SNTG2: variants seen among roughly 807,000 people sequenced by gnomAD.
The protein encoded by SNTG2 is gamma-2-syntrophin.
SNTG2 carries 74 observed loss-of-function variants against 70.9 expected under a neutral mutation model. The ratio of observed to expected loss-of-function variants is 1.04; its 90% CI spans 0.86 to 1.27. SNTG2 has a LOEUF of 1.27. SNTG2 is among the 50% of genes most tolerant of loss of function. The pLI, the probability that SNTG2 is intolerant of heterozygous loss-of-function variation, is 0.00. For missense variants in SNTG2, 717 were observed against 690.7 expected (o/e 1.04, Z -0.43); for synonymous variants, 278 against 273.8 (o/e 1.02, Z -0.15).
chr2:1,134,548 T>C (rs4971474), intron 4 of SNTG2, among the ~76,000 whole-genome samples: 19,111 of 151,046 alleles, frequency 0.13, 1,707 homozygotes, highest in East Asian at 0.43. Context: ...TGCTGATTGG[T>C]GTGTTTACAA....
intron 9 of SNTG2, among the ~76,000 whole-genome samples, chr2:1,234,911 G>A (rs1327903735): frequency 6.6e-6 from 1 of 152,226 alleles, no homozygotes. Context: ...TACTGACCCT[G>A]CTGAGAGCAC....
chr2:1,361,209 G>C (rs1241174439), intron 16 of SNTG2, among the ~76,000 whole-genome samples: 2 of 152,214 alleles, frequency 1.3e-5, no homozygotes, highest in African/African-American at 4.8e-5. Context: ...TCTTTTATTT[G>C]TTACAGCCTG....
intron 14 of SNTG2, among the ~76,000 whole-genome samples, chr2:1,278,529 A>G (rs533030386): frequency 5.9e-5 from 9 of 152,278 alleles, no homozygotes; most frequent in Non-Finnish European, 1.2e-4. Flanking sequence ...AAGTTCTTTT[A>G]TTTAAAAAAA....
At chr2:1,302,945 A>G (rs185066830) in intron 14 of SNTG2, among the ~76,000 whole-genome samples, 231 of 152,318 alleles carry the variant, frequency 1.5e-3, no homozygotes, top group African/African-American at 5.1e-3. Flanking sequence ...AGACCCAGCC[A>G]TCCTAAGTGA....
At chr2:1,183,069 A>G (rs1007308153) in intron 8 of SNTG2, among the ~76,000 whole-genome samples, 14 of 152,246 alleles carry the variant, frequency 9.2e-5, no homozygotes, top group African/African-American at 3.4e-4. Flanking sequence ...CTCTATTTTG[A>G]CCTCTATAAC....
At position 1,209,179 on chromosome 2, in the gene SNTG2, C is replaced by T. The variant is rs200228590; in HGVS notation, c.668C>T (p.Pro223Leu). Residue 223 changes from proline to leucine, a missense_variant, in exon 9 of 17, where the codon CCT becomes CTT. Physicochemically the swap from Pro to Leu is moderately conservative, Grantham distance 98. Transcript: ENST00000308624. ...CGCTGGCTGGACACCTTGTCCGTGC[C>T]TCTGTCCATGGCTCGCATCTCAAGG... ...EKRWLDTLSV[P>L]LSMARISRYK... The T allele has an allele frequency of 8.7e-6, 14 of 1,613,976 alleles. No individual in the cohort carries two copies. The East Asian group carries it at 3.1e-4, about 36-fold the overall frequency.
chr2:1,217,262 G>T (rs762546232), intron 9 of SNTG2, among the ~76,000 whole-genome samples: 5 of 151,998 alleles, frequency 3.3e-5, no homozygotes, highest in Admixed American at 2.6e-4. Flanking sequence ...TTACAAGCCC[G>T]TGCACTGGCA....
At chr2:1,287,141 T>A (rs976342188) in intron 14 of SNTG2, among the ~76,000 whole-genome samples, 4 of 152,236 alleles carry the variant, frequency 2.6e-5, no homozygotes. Flanking sequence ...GAGTCACAGC[T>A]GAGTCACCTG....
At chr2:1,112,177 T>C (rs1445222691) in intron 4 of SNTG2, among the ~76,000 whole-genome samples, 3 of 151,590 alleles carry the variant, frequency 2.0e-5, no homozygotes, top group Middle Eastern at 3.2e-3. Flanking sequence ...TCGTGTGTAC[T>C]AAGGGAGGTT....
At chr2:1,203,673 A>AAAAAAAT (rs1451954919) in intron 8 of SNTG2, among the ~76,000 whole-genome samples, 2 of 115,516 alleles carry the variant, frequency 1.7e-5, no homozygotes. Flanking sequence ...CAAAAAAAAA[A>AAAAAAAT]ATATATATAT....
chr2:1,296,331 A>T (rs1392829096), intron 14 of SNTG2, among the ~76,000 whole-genome samples: 1 of 152,262 alleles, frequency 6.6e-6, no homozygotes, highest in Non-Finnish European at 1.5e-5. Flanking sequence ...TGATTTTTAT[A>T]AAACTTATAC....
At chr2:1,254,702 C>T (rs897743713) in intron 12 of SNTG2, among the ~76,000 whole-genome samples, 4 of 152,198 alleles carry the variant, frequency 2.6e-5, no homozygotes, top group Non-Finnish European at 4.4e-5. Context: ...ATTTCGGCTC[C>T]ATTTCAAGCC....
intron 1 of SNTG2, among the ~76,000 whole-genome samples, chr2:1,082,366 G>A (rs528429247): frequency 6.6e-6 from 1 of 152,274 alleles, no homozygotes; most frequent in East Asian, 1.9e-4. Context: ...AGACGCAGGC[G>A]CTGGGGCTCC....
At chr2:1,000,568 C>A (rs1157638311) in intron 1 of SNTG2, among the ~76,000 whole-genome samples, 1 of 151,430 alleles carries the variant, frequency 6.6e-6, no homozygotes. Flanking sequence ...CAATATTGAA[C>A]CAGGAAGAAA....
At chr2:1,260,877 C>T in intron 13 of SNTG2, among the ~76,000 whole-genome samples, 1 of 152,144 alleles carries the variant, frequency 6.6e-6, no homozygotes, top group Non-Finnish European at 1.5e-5. Flanking sequence ...TCAGAGGATT[C>T]TCCTTCCGTG....
At chr2:1,098,092 T>C in intron 2 of SNTG2, 104 bp from the exon 3 acceptor site, 1 of 1,281,096 alleles carries the variant, frequency 7.8e-7, no homozygotes, top group Non-Finnish European at 1.1e-6. Flanking sequence ...TTTGGAAATA[T>C]AATTTAACAC....
chr2:1,342,330 G>C (rs1300730652), intron 16 of SNTG2, among the ~76,000 whole-genome samples: 1 of 113,180 alleles, frequency 8.8e-6, no homozygotes, highest in African/African-American at 3.8e-5. Context: ...TTGGGAAGCA[G>C]GACATGCATA....
At chr2:982,060 A>G (rs1241113660) in intron 1 of SNTG2, among the ~76,000 whole-genome samples, 1 of 152,136 alleles carries the variant, frequency 6.6e-6, no homozygotes, top group African/African-American at 2.4e-5. Context: ...ACATGTCCAC[A>G]CCCACACACA....
At chr2:1,188,945 G>T (rs976977906) in intron 8 of SNTG2, among the ~76,000 whole-genome samples, 2 of 152,040 alleles carry the variant, frequency 1.3e-5, no homozygotes, top group South Asian at 4.1e-4. Flanking sequence ...GTTATTTATT[G>T]TGAAAGAAAT....
Sources: gnomAD v4.1 joint callset for allele counts (sites outside exome capture counted in the v4.1 genomes callset) on GRCh38, gnomAD v4.1.1 for gene constraint, MANE v1.5 for transcripts, NCBI Gene and HGNC (gene_info 2026-07-23, HGNC 2026-07-21) for gene names.